RANBP17: variants seen among roughly 807,000 people sequenced by gnomAD.
The protein encoded by RANBP17 is RAN binding protein 17.
RANBP17 carries 158 observed loss-of-function variants against 141.2 expected under a neutral mutation model. That is an observed-to-expected ratio of 1.12 (90% CI 0.98 to 1.28). The LOEUF is 1.28. RANBP17 is among the 50% of genes most tolerant of loss of function. The pLI, the probability that RANBP17 is intolerant of heterozygous loss-of-function variation, is 0.00. For missense variants in RANBP17, 1,438 were observed against 1,290.7 expected, an observed-to-expected ratio of 1.11 and a Z score of -1.75; for synonymous variants, 430 against 450.0, an observed-to-expected ratio of 0.96 and a Z score of 0.56.
At chr5:171,021,719 T>C (rs919862855) in intron 14 of RANBP17, among the ~76,000 whole-genome samples, 2 of 152,210 alleles carry the variant, frequency 1.3e-5, no homozygotes, top group African/African-American at 4.8e-5. Flanking sequence ...TGGAACATGC[T>C]CTTTTAGCTC....
At chr5:170,946,541 C>T (rs1408908970) in intron 12 of RANBP17, among the ~76,000 whole-genome samples, 3 of 152,220 alleles carry the variant, frequency 2.0e-5, no homozygotes, top group East Asian at 1.9e-4. Context: ...TATATAAAGT[C>T]GCTGTGAACA....
At chr5:171,084,038 G>T (rs1174752791) in intron 14 of RANBP17, among the ~76,000 whole-genome samples, 2 of 149,036 alleles carry the variant, frequency 1.3e-5, no homozygotes, top group African/African-American at 5.0e-5. Context: ...GTATACATGT[G>T]CCATGCTGGT....
intron 14 of RANBP17, among the ~76,000 whole-genome samples, chr5:171,006,931 G>C (rs997982384): frequency 1.3e-5 from 2 of 152,096 alleles, no homozygotes; most frequent in African/African-American, 4.8e-5. Context: ...CAACTAGGCA[G>C]GAAACCACGT....
chr5:171,071,054 C>G (rs369783562), intron 14 of RANBP17, among the ~76,000 whole-genome samples: 8 of 151,192 alleles, frequency 5.3e-5, no homozygotes, highest in African/African-American at 1.9e-4. Flanking sequence ...AGAGGAAGCA[C>G]AAAAAAAAAT....
At chr5:171,191,029 G>A (rs1188293614) in intron 18 of RANBP17, among the ~76,000 whole-genome samples, 1 of 152,114 alleles carries the variant, frequency 6.6e-6, no homozygotes, top group Non-Finnish European at 1.5e-5. Flanking sequence ...TTAATTACTA[G>A]GGGGATACTA....
chr5:170,975,217 C>T (rs1166369308), intron 14 of RANBP17, among the ~76,000 whole-genome samples: 1 of 152,114 alleles, frequency 6.6e-6, no homozygotes, highest in African/African-American at 2.4e-5. Context: ...GGAAACCAAG[C>T]CATTATTTTG....
chr5:170,898,258 G>A (rs1420535396), intron 5 of RANBP17, among the ~76,000 whole-genome samples: 1 of 152,090 alleles, frequency 6.6e-6, no homozygotes, highest in East Asian at 1.9e-4. Context: ...ATTGAGTTTT[G>A]ATTTGCATTT....
Position 170,875,704 on chromosome 5 carries a change from G to A in RANBP17, c.19-2393G>A, listed in dbSNP as rs565466476. On this transcript the variant is annotated intron_variant, in intron 1 of 27. Transcript: ENST00000523189. ...ACTGGTTATTCTAGTTAGCGCTCCT[G>A]TAGCCTTTTATTATGGTTCTGAGCT... Among the ~76,000 whole-genome samples the A allele has an allele frequency of 1.2e-3, 180 of 151,888 alleles. No individual in the cohort carries two copies. In the Middle Eastern group the frequency reaches 0.014, roughly 11 times the overall value.
chr5:170,950,052 G>A (rs1015305973), intron 12 of RANBP17, among the ~76,000 whole-genome samples: 6 of 152,046 alleles, frequency 3.9e-5, no homozygotes, highest in African/African-American at 1.4e-4. Flanking sequence ...AGATGTGGAA[G>A]AATAAAACTG....
chr5:170,924,667 C>T (rs750083463), intron 12 of RANBP17, 117 bp downstream of exon 12: 102 of 628,484 alleles, frequency 1.6e-4, no homozygotes, highest in Non-Finnish European at 2.3e-4. Context: ...TCCTGGTCCC[C>T]TAATAAACCA....
intron 25 of RANBP17, among the ~76,000 whole-genome samples, chr5:171,280,882 G>A (rs1767820765): frequency 6.6e-6 from 1 of 152,142 alleles, no homozygotes; most frequent in East Asian, 1.9e-4. Context: ...TATTTGTTGG[G>A]ACTTTCTATT....
chr5:171,014,841 A>G (rs936394316), intron 14 of RANBP17, among the ~76,000 whole-genome samples: 2 of 151,982 alleles, frequency 1.3e-5, no homozygotes, highest in Non-Finnish European at 2.9e-5. Context: ...TGTATTAGAG[A>G]AATCTTAATG....
At chr5:170,872,903 G>A (rs1015347900) in intron 1 of RANBP17, among the ~76,000 whole-genome samples, 6 of 151,870 alleles carry the variant, frequency 4.0e-5, no homozygotes, top group South Asian at 4.2e-4. Flanking sequence ...TAGTAGATAA[G>A]CTTTTTTTTT....
At chr5:171,218,740 T>C (rs1364710992) in intron 21 of RANBP17, among the ~76,000 whole-genome samples, 1 of 152,110 alleles carries the variant, frequency 6.6e-6, no homozygotes, top group Non-Finnish European at 1.5e-5. Context: ...TTTTTTTCCT[T>C]TCCATTTGCT....
intron 12 of RANBP17, among the ~76,000 whole-genome samples, chr5:170,948,069 TGGTAA>T (rs755654564): frequency 1.3e-5 from 2 of 152,154 alleles, no homozygotes; most frequent in Non-Finnish European, 2.9e-5. Context: ...TAGGATATCT[TGGTAA>T]GGTCTGAGAA....
At chr5:170,972,546 T>C (rs1001623586) in intron 14 of RANBP17, among the ~76,000 whole-genome samples, 5 of 152,170 alleles carry the variant, frequency 3.3e-5, no homozygotes, top group Non-Finnish European at 7.3e-5. Flanking sequence ...ATAGTTCTAA[T>C]TATTTTAATT....
At chr5:171,221,935 ATCTT>A in intron 22 of RANBP17, 95 bp downstream of exon 22, 6 of 804,406 alleles carry the variant, frequency 7.5e-6, no homozygotes, top group South Asian at 1.7e-5. Context: ...GAACTTTCAT[ATCTT>A]TATGAATTTG....
At chr5:170,907,364 T>C (rs1172624170) in intron 5 of RANBP17, among the ~76,000 whole-genome samples, 1 of 151,946 alleles carries the variant, frequency 6.6e-6, no homozygotes, top group Non-Finnish European at 1.5e-5. Flanking sequence ...AAGCATGCAG[T>C]CCTTTAATAT....
intron 14 of RANBP17, chr5:170,968,869 GT>G: frequency 3.1e-6 from 1 of 320,922 alleles, no homozygotes; most frequent in Non-Finnish European, 6.0e-6. Context: ...ATAATTGAAT[GT>G]TTAGCATCAG....
Sources: allele counts gnomAD v4.1 joint callset (sites outside exome capture counted in the v4.1 genomes callset), GRCh38; gene constraint gnomAD v4.1.1; transcripts MANE v1.5; gene names NCBI Gene and HGNC (gene_info 2026-07-23, HGNC 2026-07-21).